Variants in SDC1 observed in about 807,000 individuals in gnomAD.
SDC1 encodes syndecan-1.
In SDC1, 14 loss-of-function variants were observed where a neutral mutation model predicts 29.7. The ratio of observed to expected loss-of-function variants is 0.47; its 90% CI spans 0.31 to 0.74. SDC1 has a LOEUF of 0.74. Among genes scored for constraint, SDC1 ranks in the 30% least tolerant of loss-of-function variants. The pLI, the probability that SDC1 is intolerant of heterozygous loss-of-function variation, is 0.05. For synonymous variants in SDC1, 204 were observed against 175.5 expected, an observed-to-expected ratio of 1.16 and a Z score of -1.29; for missense variants, 406 against 400.3, an observed-to-expected ratio of 1.01 and a Z score of -0.12.
In SDC1 at chr2:20,203,875, C is replaced by T. The variant is rs367683710; in HGVS notation, c.565G>A (p.Glu189Lys). The T allele has an allele frequency of 4.8e-5, 78 of 1,611,608 alleles. No individual in the cohort carries two copies. Among genetic ancestry groups the T allele is most frequent in the Middle Eastern group, 3.3e-4 (2 of 5,998 alleles). ...GAGGCTCCATCCTCAGCAGCCCTCT[C>T]GGTGGCAGAAGGACCTCCATCCTCT... Reference protein sequence around the residue: ...HTEDGGPSATERAAEDGASSQ... With the variant: ...HTEDGGPSATKRAAEDGASSQ... The change falls in exon 3 of 5, where the codon GAG becomes AAG. Residue 189 changes from glutamate to lysine, a missense_variant. Glu to Lys is a moderately conservative substitution (Grantham distance 56). Coordinates refer to ENST00000254351, the MANE Select transcript of SDC1 (RefSeq NM_002997.5).
chr2:20,221,896 G>A (rs967593240), intron 1 of SDC1, among the ~76,000 whole-genome samples: 3 of 152,134 alleles, frequency 2.0e-5, no homozygotes, highest in African/African-American at 4.8e-5. Flanking sequence ...GAGCCTGAGC[G>A]GAGGCAGCTA....
At chr2:20,206,347 G>A (rs1018077236) in intron 1 of SDC1, among the ~76,000 whole-genome samples, 1 of 152,236 alleles carries the variant, frequency 6.6e-6, no homozygotes, top group Non-Finnish European at 1.5e-5. Flanking sequence ...AGTTCCTGAG[G>A]CCGGGGCTGA....
chr2:20,218,156 C>T (rs908062058), intron 1 of SDC1, among the ~76,000 whole-genome samples: 11 of 152,178 alleles, frequency 7.2e-5, no homozygotes, highest in African/African-American at 2.2e-4. Context: ...ACAGGAAGAA[C>T]GACCCTTTGG....
rs774477119 is a variant in SDC1, at chr2:20,204,137, C to T, written c.303G>A (p.Glu101=). ...STLPAGEGPK[E]GEAVVLPEVE... ...CTTCTGGCAGGACTACAGCCTCTCC[C>T]TCCTTGGGCCCCTCTCCAGCCGGCA... Residue 101 remains glutamate (E), a synonymous_variant, in exon 3 of 5, where the codon GAG becomes GAA. Coordinates refer to ENST00000254351, the MANE Select transcript of SDC1 (RefSeq NM_002997.5). 3 of 1,603,822 alleles carry T rather than the reference C, an allele frequency of 1.9e-6. No individual in the cohort carries two copies. The highest frequency in any genetic ancestry group is 2.5e-6 in the Non-Finnish European group (3 of 1,179,872).
chr2:20,216,077 T>C (rs1677618106), intron 1 of SDC1, among the ~76,000 whole-genome samples: 1 of 152,170 alleles, frequency 6.6e-6, no homozygotes, highest in Admixed American at 6.5e-5. Context: ...GGCAGGGGGC[T>C]CTATGCCCTT....
intron 1 of SDC1, among the ~76,000 whole-genome samples, chr2:20,223,711 G>A (rs1677897192): frequency 6.6e-6 from 1 of 152,252 alleles, no homozygotes; most frequent in African/African-American, 2.4e-5. Context: ...TTACGGGGCT[G>A]TTCCCAGGAA....
At chr2:20,213,302 AG>A (rs1312937244) in intron 1 of SDC1, among the ~76,000 whole-genome samples, 1 of 152,236 alleles carries the variant, frequency 6.6e-6, no homozygotes, top group African/African-American at 2.4e-5. Flanking sequence ...GGGCCAGGCC[AG>A]GCAGGGCAAG....
chr2:20,211,358 G>C (rs992959286), intron 1 of SDC1, among the ~76,000 whole-genome samples: 4 of 152,238 alleles, frequency 2.6e-5, no homozygotes, highest in Non-Finnish European at 5.9e-5. Flanking sequence ...AGTGTTCAAA[G>C]TCAAGGCACT....
Position 20,205,323 on chromosome 2 carries a change from G to A in SDC1, c.148+20C>T, listed in dbSNP as rs371251544. ...ACCTGTTGCCGTCTTGGGTGGGGGG[G>A]GCCCCCATGACAACCTCACCTGCAC... On this transcript the variant is annotated intron_variant, in intron 2 of 4. Coordinates refer to ENST00000254351, the MANE Select transcript of SDC1 (RefSeq NM_002997.5). 1.7e-5 allele frequency: 27 copies of A among 1,605,162 alleles called. No homozygotes were observed. Among genetic ancestry groups the A allele is most frequent in the African/African-American group, 1.5e-4 (11 of 74,760 alleles).
In SDC1 at chr2:20,205,416, C is replaced by T. The variant is rs1388276308; in HGVS notation, c.75G>A (p.Val25=). Residue 25 remains valine (V), a synonymous_variant, in exon 2 of 5, where the codon GTG becomes GTA. Transcript: ENST00000254351. The part of the protein sequence containing the change: ...LSLQPALPQI[V]ATNLPPEDQD... ...GATCTTCAGGGGGCAAATTAGTAGC[C>T]ACAATTTGCTGGAAAAGGATCAGAA... The T allele has an allele frequency of 1.9e-6, 3 of 1,613,582 alleles. No individual in the cohort carries two copies. In the South Asian group the frequency reaches 3.3e-5, roughly 18 times the overall value.
Position 20,224,089 on chromosome 2 carries a change from G to A in SDC1, c.66+713C>T, listed in dbSNP as rs1677911914. 3 of 359,316 alleles carry A rather than the reference G, an allele frequency of 8.3e-6. No individual in the cohort carries two copies. The highest frequency in any genetic ancestry group is 1.7e-5 in the Non-Finnish European group (3 of 175,974). 22.3% of individuals were successfully genotyped at this position (359,316 alleles called of 1,614,324 possible). On this transcript the variant is annotated intron_variant, in intron 1 of 4. Transcript: ENST00000254351. This position sits in a 1 kb window ranked among gnomAD's most constrained non-coding sequence, Gnocchi z 4.9. ...CCGGCACGGGAACGCGCCCTCCGGG[G>A]CCAGCTCAACTTCAGCAGCCCAGAA... is the stretch of plus-strand genomic sequence containing the variant.
chr2:20,221,831 C>T (rs566779099), intron 1 of SDC1, among the ~76,000 whole-genome samples: 15 of 152,274 alleles, frequency 9.9e-5, no homozygotes, highest in Admixed American at 8.5e-4. Context: ...ACTTAAACCG[C>T]TCCACCCTCC....
intron 2 of SDC1, among the ~76,000 whole-genome samples, chr2:20,204,815 T>A (rs1315454787): frequency 1.3e-5 from 2 of 152,010 alleles, no homozygotes; most frequent in Non-Finnish European, 2.9e-5. Flanking sequence ...AAGAGCCACC[T>A]CCTCTGTGAA....
At chr2:20,204,325 T>TG (rs1558431351) in intron 2 of SDC1, 34 bp from the exon 3 acceptor site, 1 of 430,052 alleles carries the variant, frequency 2.3e-6, no homozygotes. Context: ...GTTGGGGAGG[T>TG]GGGGGGTGGG....
At chr2:20,217,874 T>C (rs1677682466) in intron 1 of SDC1, among the ~76,000 whole-genome samples, 1 of 152,038 alleles carries the variant, frequency 6.6e-6, no homozygotes, top group African/African-American at 2.4e-5. Flanking sequence ...GCGGAGAACA[T>C]CATACAGCCC....
chr2:20,204,759 T>C (rs1488994719), intron 2 of SDC1, among the ~76,000 whole-genome samples: 2 of 152,090 alleles, frequency 1.3e-5, no homozygotes, highest in Admixed American at 6.5e-5. Context: ...AGGGATGACC[T>C]CAGCCTCCTT....
intron 1 of SDC1, among the ~76,000 whole-genome samples, chr2:20,205,655 G>A (rs751878794): frequency 3.4e-4 from 52 of 152,024 alleles, no homozygotes; most frequent in Admixed American, 1.2e-3. Context: ...GGGCTGCAGG[G>A]GCACAACAGA....
At chr2:20,214,176 C>T (rs1265196002) in intron 1 of SDC1, among the ~76,000 whole-genome samples, 2 of 152,198 alleles carry the variant, frequency 1.3e-5, no homozygotes, top group African/African-American at 4.8e-5. Flanking sequence ...GCCAACAATG[C>T]CATACCCAGG....
intron 1 of SDC1, among the ~76,000 whole-genome samples, chr2:20,208,599 G>A (rs55660995): frequency 0.045 from 6,917 of 152,282 alleles, 182 homozygotes; most frequent in African/African-American, 0.058. Flanking sequence ...GCTGACTCCC[G>A]GAGTTTCTGG....
Sources: gnomAD v4.1 joint callset for allele counts (sites outside exome capture counted in the v4.1 genomes callset) on GRCh38, gnomAD v4.1.1 for gene constraint, Gnocchi (gnomAD v3.1) non-coding constraint, MANE v1.5 for transcripts, NCBI Gene and HGNC (gene_info 2026-07-23, HGNC 2026-07-21) for gene names.